KCND2: variants seen among roughly 807,000 people sequenced by gnomAD.
The protein encoded by KCND2 is potassium voltage-gated channel subfamily D member 2.
In KCND2, 16 loss-of-function variants were observed where a neutral mutation model predicts 54.4. The observed-to-expected ratio is 0.29, with a 90% CI of 0.20 to 0.45. The LOEUF (loss-of-function observed/expected upper bound fraction) is 0.45, where lower values mean the gene tolerates loss of function less well. KCND2 is among the 20% of genes least tolerant of loss of function. KCND2 has a pLI of 1.00. For synonymous variants in KCND2, 317 were observed against 310.7 expected, an observed-to-expected ratio of 1.02 and a Z score of -0.21; for missense variants, 486 against 824.2, an observed-to-expected ratio of 0.59 and a Z score of 5.02.
At chr7:120,623,417 C>T (rs193156198) in intron 1 of KCND2, among the ~76,000 whole-genome samples, 37 of 152,200 alleles carry the variant, frequency 2.4e-4, no homozygotes, top group African/African-American at 8.7e-4. Context: ...AAACACTGTG[C>T]TATTGGTGAG....
chr7:120,545,867 C>CA (rs879556773), intron 1 of KCND2, among the ~76,000 whole-genome samples: 13 of 143,442 alleles, frequency 9.1e-5, no homozygotes, highest in South Asian at 2.2e-4. Context: ...GACTGTTGTT[C>CA]AAAAAAAAAA....
At chr7:120,394,014 A>G (rs1176994566) in intron 1 of KCND2, among the ~76,000 whole-genome samples, 2 of 152,034 alleles carry the variant, frequency 1.3e-5, no homozygotes, top group African/African-American at 4.8e-5. Context: ...TTAAGTATGT[A>G]TGTACCATAA....
intron 1 of KCND2, among the ~76,000 whole-genome samples, chr7:120,322,948 AAAAT>A (rs1414113988): frequency 6.6e-6 from 1 of 152,160 alleles, no homozygotes; most frequent in East Asian, 1.9e-4. Flanking sequence ...TTTATAGTAT[AAAAT>A]AAATAGTTTT....
At chr7:120,309,864 A>G (rs1357232122) in intron 1 of KCND2, among the ~76,000 whole-genome samples, 1 of 152,168 alleles carries the variant, frequency 6.6e-6, no homozygotes, top group Non-Finnish European at 1.5e-5. Context: ...ATTGTCTACA[A>G]ACCAGTCACA....
chr7:120,283,480 T>A (rs1197504328), intron 1 of KCND2, among the ~76,000 whole-genome samples: 1 of 152,194 alleles, frequency 6.6e-6, no homozygotes, highest in African/African-American at 2.4e-5. Flanking sequence ...ATTAGTTTTT[T>A]ATATTTACCT....
chr7:120,339,056 T>A (rs6953921), intron 1 of KCND2, among the ~76,000 whole-genome samples: 9,922 of 146,722 alleles, frequency 0.068, 1,332 homozygotes, highest in East Asian at 0.62. Flanking sequence ...AATTATTATT[T>A]TTTTTTTTTT....
intron 1 of KCND2, among the ~76,000 whole-genome samples, chr7:120,402,963 T>C (rs1283840232): frequency 1.3e-5 from 2 of 152,154 alleles, no homozygotes; most frequent in Non-Finnish European, 2.9e-5. Flanking sequence ...ATGTAATAAG[T>C]AAACTTGGGA....
chr7:120,466,226 A>G (rs938288377), intron 1 of KCND2, among the ~76,000 whole-genome samples: 1 of 152,174 alleles, frequency 6.6e-6, no homozygotes, highest in African/African-American at 2.4e-5. Context: ...GCAATCAATA[A>G]TACCACAGTT....
chr7:120,440,351 T>C (rs1484353009), intron 1 of KCND2, among the ~76,000 whole-genome samples: 1 of 152,064 alleles, frequency 6.6e-6, no homozygotes, highest in Non-Finnish European at 1.5e-5. Flanking sequence ...GGTTTTGCTA[T>C]TGAGTTTTTT....
intron 1 of KCND2, among the ~76,000 whole-genome samples, chr7:120,701,885 G>C (rs1343765790): frequency 2.0e-5 from 3 of 152,052 alleles, no homozygotes; most frequent in Non-Finnish European, 4.4e-5. Flanking sequence ...TGCCATTCTG[G>C]ACATAGAAAA....
At chr7:120,662,502 G>T (rs562476118) in intron 1 of KCND2, among the ~76,000 whole-genome samples, 133 of 152,200 alleles carry the variant, frequency 8.7e-4, no homozygotes, top group African/African-American at 3.1e-3. Context: ...CTACACAATG[G>T]ATCTCTCTAT....
intron 1 of KCND2, among the ~76,000 whole-genome samples, chr7:120,277,218 A>G (rs1281429510): frequency 6.6e-6 from 1 of 152,106 alleles, no homozygotes; most frequent in African/African-American, 2.4e-5. Flanking sequence ...TGGTACATTT[A>G]AAAAATGAAT....
At position 120,710,732 on chromosome 7, in the gene KCND2, A is replaced by G. The variant is rs557162563; in HGVS notation, c.1116-22171A>G. On this transcript the variant is annotated intron_variant, in intron 1 of 5. Transcript: ENST00000331113. ...TTAAACAAGTTTTTAGGTCTGTTTG[A>G]CAGATGAGAAAACCTAGTCTTATAA... 3.1e-4 allele frequency among the ~76,000 whole-genome samples: 47 copies of G among 152,290 alleles called. 1 individual carries two copies. In the South Asian group the frequency reaches 9.7e-3, roughly 32 times the overall value.
At chr7:120,416,828 A>G (rs367885969) in intron 1 of KCND2, among the ~76,000 whole-genome samples, 6 of 151,848 alleles carry the variant, frequency 4.0e-5, no homozygotes, top group East Asian at 3.9e-4. Context: ...TCAGTTATAC[A>G]TGATGCAGGT....
At chr7:120,675,153 C>T (rs1221475117) in intron 1 of KCND2, among the ~76,000 whole-genome samples, 1 of 152,076 alleles carries the variant, frequency 6.6e-6, no homozygotes, top group East Asian at 1.9e-4. Context: ...AATTGTTCAA[C>T]TCTGTTCATA....
intron 1 of KCND2, among the ~76,000 whole-genome samples, chr7:120,364,916 A>G (rs1800645118): frequency 6.6e-6 from 1 of 152,128 alleles, no homozygotes; most frequent in Non-Finnish European, 1.5e-5. Flanking sequence ...GCCTAACTAA[A>G]GTTTGGCCCA....
chr7:120,460,660 G>A (rs761944556), intron 1 of KCND2, among the ~76,000 whole-genome samples: 23 of 149,548 alleles, frequency 1.5e-4, no homozygotes, highest in African/African-American at 2.2e-4. Flanking sequence ...GGTAAGTTAC[G>A]AAAAGAGATA....
intron 1 of KCND2, among the ~76,000 whole-genome samples, chr7:120,339,048 T>G: frequency 7.6e-6 from 1 of 132,144 alleles, no homozygotes; most frequent in Non-Finnish European, 1.6e-5. Flanking sequence ...ACCTGGCTAA[T>G]TATTATTTTT....
rs537828289 is a variant in KCND2, at chr7:120,712,228, T to G, written c.1116-20675T>G. Among the ~76,000 whole-genome samples the G allele has an allele frequency of 2.7e-5, 4 of 149,492 alleles. 1 individual carries two copies. In the Admixed American group the frequency reaches 2.7e-4, roughly 10 times the overall value. ...TCTATTTTGTGGGTTTTCTTTGAAT[T>G]TTGGATATCTGAATTTTTTTTTTTT... On this transcript the variant is annotated intron_variant, in intron 1 of 5. Coordinates refer to ENST00000331113, the MANE Select transcript of KCND2 (RefSeq NM_012281.3).
Sources: gnomAD v4.1 joint callset for allele counts (sites outside exome capture counted in the v4.1 genomes callset) on GRCh38, gnomAD v4.1.1 for gene constraint, MANE v1.5 for transcripts, NCBI Gene and HGNC (gene_info 2026-07-23, HGNC 2026-07-21) for gene names.